ANKRD55: variants seen among roughly 807,000 people sequenced by gnomAD.
The protein encoded by ANKRD55 is ankyrin repeat domain-containing protein 55.
In ANKRD55, 41 loss-of-function variants were observed where a neutral mutation model predicts 60.6. That is an observed-to-expected ratio of 0.68 (90% CI 0.53 to 0.88). The LOEUF is 0.88. ANKRD55 is among the 40% of genes least tolerant of loss of function. ANKRD55 has a pLI of 0.00. For missense variants in ANKRD55, 732 were observed against 767.6 expected, an observed-to-expected ratio of 0.95 and a Z score of 0.55; for synonymous variants, 264 against 290.3, an observed-to-expected ratio of 0.91 and a Z score of 0.92.
intron 10 of ANKRD55, chr5:56,108,329 A>G (rs1255098950): frequency 2.0e-5 from 3 of 152,242 alleles, no homozygotes; most frequent in Admixed American, 6.5e-5. Flanking sequence ...CATGATTTTC[A>G]TAACAGAAGG....
At chr5:56,109,038 A>C (rs1189943346) in intron 10 of ANKRD55, among the ~76,000 whole-genome samples, 4 of 143,878 alleles carry the variant, frequency 2.8e-5, no homozygotes, top group Non-Finnish European at 1.5e-5. Context: ...TCTGTCTCAA[A>C]ACACACACAC....
chr5:56,133,825 T>A (rs12517732), intron 7 of ANKRD55, among the ~76,000 whole-genome samples: 39,561 of 113,538 alleles, frequency 0.35, 14,536 homozygotes, highest in Middle Eastern at 0.56. Flanking sequence ...AATTTACAGC[T>A]TTGAATGTAT....
chr5:56,116,998 C>T, intron 8 of ANKRD55: 2 of 449,572 alleles, frequency 4.4e-6, no homozygotes, highest in Non-Finnish European at 7.9e-6. Context: ...CTGCCATCTA[C>T]ACTCTCTGGC....
Position 56,100,131 on chromosome 5 carries a change from T to G in ANKRD55, c.*52A>C. On this transcript the variant is annotated 3_prime_UTR_variant, in exon 12 of 12. Coordinates refer to ENST00000341048, the MANE Select transcript of ANKRD55 (RefSeq NM_024669.3). ...TACAAACTGGAGTAATCTTGTCCTT[T>G]GAGAGTTGAAAATACATATTCATCT... is the stretch of plus-strand genomic sequence containing the variant. The G allele has an allele frequency of 6.2e-7, 1 of 1,612,174 alleles. No homozygotes were observed. The highest frequency in any genetic ancestry group is 8.5e-7 in the Non-Finnish European group (1 of 1,178,602).
intron 7 of ANKRD55, among the ~76,000 whole-genome samples, chr5:56,127,830 A>G (rs1230574046): frequency 6.6e-6 from 1 of 152,182 alleles, no homozygotes; most frequent in Non-Finnish European, 1.5e-5. Context: ...TCTGGCTACA[A>G]ACTTTTTCTT....
intron 2 of ANKRD55, among the ~76,000 whole-genome samples, chr5:56,201,635 C>T (rs1004075937): frequency 4.6e-5 from 7 of 152,122 alleles, no homozygotes; most frequent in Non-Finnish European, 1.0e-4. Context: ...AGTGCCTCCC[C>T]CTTAGGGCTG....
intron 2 of ANKRD55, among the ~76,000 whole-genome samples, chr5:56,217,330 C>G (rs1759836904): frequency 6.6e-6 from 1 of 152,132 alleles, no homozygotes; most frequent in Admixed American, 6.5e-5. Context: ...TTTTTCTAAG[C>G]AAGAGCTCTG....
At chr5:56,209,422 C>T (rs1443902519) in intron 2 of ANKRD55, among the ~76,000 whole-genome samples, 1 of 151,388 alleles carries the variant, frequency 6.6e-6, no homozygotes, top group East Asian at 1.9e-4. Context: ...ATTATAAGTT[C>T]TGTTGCTATT....
chr5:56,194,336 A>G (rs1326949209), intron 2 of ANKRD55, among the ~76,000 whole-genome samples: 3 of 151,746 alleles, frequency 2.0e-5, no homozygotes, highest in Non-Finnish European at 2.9e-5. Flanking sequence ...AAAAAAAGAA[A>G]ATTTTATAAA....
chr5:56,136,741 T>A (rs1383339681), intron 7 of ANKRD55, among the ~76,000 whole-genome samples: 4 of 151,824 alleles, frequency 2.6e-5, no homozygotes, highest in Non-Finnish European at 5.9e-5. Flanking sequence ...GGCAACATAA[T>A]GAAACCTCAT....
chr5:56,191,490 C>A (rs1163326632), intron 2 of ANKRD55, among the ~76,000 whole-genome samples: 1 of 152,104 alleles, frequency 6.6e-6, no homozygotes, highest in African/African-American at 2.4e-5. Flanking sequence ...TTTCGAAGGG[C>A]TTTTATGCAA....
In ANKRD55 at chr5:56,099,779, TTTTG is replaced by T. The variant is rs1486923873; in HGVS notation, c.*400_*403del. On this transcript the variant is annotated 3_prime_UTR_variant, in exon 12 of 12. Transcript: ENST00000341048. ...ATGTTTGTCTGGGATGTGGTTTTTT[TTTTG>T]TTTTGTTTTTTGCTTTTATTCAGCA... The T allele has an allele frequency of 6.3e-6, 1 of 158,168 alleles. No homozygotes were observed. The highest frequency in any genetic ancestry group is 1.8e-4 in the South Asian group (1 of 5,434). The allele number at this position is 158,168 out of a possible 1,614,324, so 9.8% of individuals were successfully genotyped here. A position where few individuals can be genotyped will look rare whatever the true frequency, so the allele number is the denominator to read the frequency against.
rs199711731 is a variant in ANKRD55 at position 56,173,418 on chromosome 5, G to A, written c.313-2615C>T. Among the ~76,000 whole-genome samples, 8 of 151,070 alleles carry A rather than the reference G, an allele frequency of 5.3e-5. No homozygotes were observed. The East Asian group carries it at 1.4e-3, about 26-fold the overall frequency. ...TCACCATGTTGCCCAGGCTGGTCAG[G>A]AACTCCTGACCTCAGGTGATCCACC... On this transcript the variant is annotated intron_variant, in intron 4 of 11. Coordinates refer to ENST00000341048, the MANE Select transcript of ANKRD55 (RefSeq NM_024669.3).
intron 9 of ANKRD55, among the ~76,000 whole-genome samples, chr5:56,116,284 A>C (rs144231496): frequency 2.6e-5 from 4 of 152,342 alleles, no homozygotes; most frequent in African/African-American, 7.2e-5. Flanking sequence ...AGACTCATCA[A>C]ATTAGGCAAA....
intron 5 of ANKRD55, among the ~76,000 whole-genome samples, chr5:56,166,199 T>TTCCTTCCTTCCTTCCC (rs769664867): frequency 3.1e-5 from 3 of 96,062 alleles, no homozygotes; most frequent in Admixed American, 9.7e-5. Context: ...CCTTCCTTCC[T>TTCCTTCCTTCCTTCCC]TCTCTCTCTC....
At chr5:56,141,486 T>C (rs896338145) in intron 7 of ANKRD55, among the ~76,000 whole-genome samples, 17 of 152,212 alleles carry the variant, frequency 1.1e-4, no homozygotes, top group Non-Finnish European at 2.9e-5. Context: ...ACGTGAGTAT[T>C]GTTTAAAAGC....
intron 5 of ANKRD55, among the ~76,000 whole-genome samples, chr5:56,165,796 G>A (rs1180337874): frequency 6.6e-6 from 1 of 152,078 alleles, no homozygotes; most frequent in Non-Finnish European, 1.5e-5. Context: ...GGGCATGGTG[G>A]TGCGTGTCTG....
intron 2 of ANKRD55, among the ~76,000 whole-genome samples, chr5:56,232,238 T>C (rs1241533899): frequency 6.6e-6 from 1 of 152,234 alleles, no homozygotes; most frequent in Non-Finnish European, 1.5e-5. Context: ...CAGCAACATT[T>C]TGATGTGGAA....
intron 2 of ANKRD55, among the ~76,000 whole-genome samples, chr5:56,207,590 C>T (rs1408804253): frequency 1.3e-5 from 2 of 152,190 alleles, no homozygotes; most frequent in Admixed American, 6.5e-5. Flanking sequence ...CCATCCTGTA[C>T]AGCATGTTAC....
Sources: allele counts gnomAD v4.1 joint callset (sites outside exome capture counted in the v4.1 genomes callset), GRCh38; gene constraint gnomAD v4.1.1; transcripts MANE v1.5; gene names NCBI Gene and HGNC (gene_info 2026-07-23, HGNC 2026-07-21).